NR3C2: variants seen among roughly 807,000 people sequenced by gnomAD.
The protein encoded by NR3C2 is nuclear receptor subfamily 3 group C member 2.
A neutral mutation model predicts 86.4 loss-of-function variants in NR3C2; 15 were observed. The ratio of observed to expected loss-of-function variants is 0.17; its 90% CI spans 0.12 to 0.27. The LOEUF is 0.27. Ranked by LOEUF, NR3C2 falls within the 10% of genes least tolerant of loss-of-function variation. The pLI, the probability that NR3C2 is intolerant of heterozygous loss-of-function variation, is 1.00. For missense variants in NR3C2, 960 were observed against 1,195.6 expected, an observed-to-expected ratio of 0.80 and a Z score of 2.91; for synonymous variants, 458 against 450.5, an observed-to-expected ratio of 1.02 and a Z score of -0.21.
At chr4:148,271,602 G>GA (rs1310860145) in intron 2 of NR3C2, among the ~76,000 whole-genome samples, 2 of 151,786 alleles carry the variant, frequency 1.3e-5, no homozygotes, top group Admixed American at 6.6e-5. Flanking sequence ...TATTTTTAAG[G>GA]AAAATTTTTT....
At chr4:148,277,690 G>A (rs1241460639) in intron 2 of NR3C2, among the ~76,000 whole-genome samples, 2 of 152,196 alleles carry the variant, frequency 1.3e-5, no homozygotes, top group African/African-American at 4.8e-5. Flanking sequence ...GTTCAAGCAA[G>A]TAACAGGGAA....
chr4:148,282,478 C>T (rs959382006), intron 2 of NR3C2, among the ~76,000 whole-genome samples: 1 of 152,166 alleles, frequency 6.6e-6, no homozygotes, highest in African/African-American at 2.4e-5. Flanking sequence ...ATATATCTTA[C>T]AGCATAAGAG....
chr4:148,265,743 C>A (rs747993819), intron 2 of NR3C2, among the ~76,000 whole-genome samples: 3 of 152,108 alleles, frequency 2.0e-5, no homozygotes, highest in Non-Finnish European at 2.9e-5. Context: ...TAGAGCACAG[C>A]GAGAATTTGG....
intron 2 of NR3C2, among the ~76,000 whole-genome samples, chr4:148,428,994 C>T (rs1449673069): frequency 6.6e-6 from 1 of 152,136 alleles, no homozygotes; most frequent in Non-Finnish European, 1.5e-5. Flanking sequence ...GGTTTTCTCA[C>T]CCCCAACCCC....
chr4:148,190,638 G>A lies in NR3C2; in HGVS notation c.2014+4108C>T, dbSNP rs371491911. ...CTAGTGCTGTCAGTGGAGTATTGACGTCTCCCACTATTATTGTGTTGCTGT... is the reference window on the plus strand; with the variant it reads ...CTAGTGCTGTCAGTGGAGTATTGACATCTCCCACTATTATTGTGTTGCTGT... On this transcript the variant is annotated intron_variant, in intron 4 of 8. Transcript: ENST00000358102. Among the ~76,000 whole-genome samples, 30 of 152,250 alleles carry A rather than the reference G, an allele frequency of 2.0e-4. No individual in the cohort carries two copies. The East Asian group carries it at 4.2e-3, about 22-fold the overall frequency.
intron 2 of NR3C2, among the ~76,000 whole-genome samples, chr4:148,428,356 C>T (rs1749648927): frequency 6.6e-6 from 1 of 152,152 alleles, no homozygotes; most frequent in South Asian, 2.1e-4. Flanking sequence ...AGACTTTCTA[C>T]CAAATAACTG....
At chr4:148,382,404 T>C (rs1469688477) in intron 2 of NR3C2, among the ~76,000 whole-genome samples, 1 of 152,160 alleles carries the variant, frequency 6.6e-6, no homozygotes, top group Admixed American at 6.5e-5. Context: ...CTGTTCCACA[T>C]GCACATTAAT....
At chr4:148,271,054 C>T (rs1579089578) in intron 2 of NR3C2, among the ~76,000 whole-genome samples, 1 of 152,234 alleles carries the variant, frequency 6.6e-6, no homozygotes, top group South Asian at 2.1e-4. Context: ...TAGTGCTCTA[C>T]TAAGTATGGT....
intron 8 of NR3C2, among the ~76,000 whole-genome samples, chr4:148,107,171 AACCAAAAACCCC>A (rs1309522261): frequency 6.6e-6 from 1 of 152,208 alleles, no homozygotes; most frequent in Non-Finnish European, 1.5e-5. Context: ...CAAGAAAAAA[AACCAAAAACCCC>A]ATCAAAAAGT....
At chr4:148,172,765 A>G (rs1735193295) in intron 4 of NR3C2, among the ~76,000 whole-genome samples, 1 of 152,226 alleles carries the variant, frequency 6.6e-6, no homozygotes, top group Admixed American at 6.5e-5. Context: ...AGTTCAGACT[A>G]TTTGGCAAGA....
At chr4:148,173,312 G>A (rs926008587) in intron 4 of NR3C2, among the ~76,000 whole-genome samples, 2 of 152,212 alleles carry the variant, frequency 1.3e-5, no homozygotes, top group African/African-American at 4.8e-5. Flanking sequence ...ATTAAATCAA[G>A]GATTGGAAGA....
intron 6 of NR3C2, among the ~76,000 whole-genome samples, chr4:148,141,283 A>T (rs6819902): frequency 0.034 from 5,153 of 152,108 alleles, 306 homozygotes; most frequent in African/African-American, 0.11. Context: ...AAATACAAAA[A>T]ATTAGCTGGG....
intron 3 of NR3C2, 82 bp from the exon 4 acceptor site, chr4:148,194,944 T>A: frequency 1.0e-6 from 1 of 1,001,434 alleles, no homozygotes. Context: ...AATATAAAAC[T>A]ACTTCTTTCC....
intron 8 of NR3C2, among the ~76,000 whole-genome samples, chr4:148,089,998 T>C (rs1560915149): frequency 6.6e-6 from 1 of 152,054 alleles, no homozygotes. Context: ...CAAGGACGAG[T>C]GTCTGGTGGC....
chr4:148,256,858 A>G (rs1174155931), intron 3 of NR3C2, among the ~76,000 whole-genome samples: 2 of 143,596 alleles, frequency 1.4e-5, no homozygotes. Flanking sequence ...ATGTTTAAGA[A>G]GAAGAAAATA....
chr4:148,239,929 A>G (rs1193426972), intron 3 of NR3C2, among the ~76,000 whole-genome samples: 1 of 151,884 alleles, frequency 6.6e-6, no homozygotes, highest in Non-Finnish European at 1.5e-5. Flanking sequence ...CTCCTCTTTC[A>G]CGATGATGGG....
At chr4:148,230,436 G>A (rs1012772196) in intron 3 of NR3C2, among the ~76,000 whole-genome samples, 10 of 152,000 alleles carry the variant, frequency 6.6e-5, no homozygotes, top group African/African-American at 2.2e-4. Flanking sequence ...GCCTCAAGTC[G>A]TCTGCCCACC....
chr4:148,370,887 T>C (rs1746385332), intron 2 of NR3C2, among the ~76,000 whole-genome samples: 1 of 152,120 alleles, frequency 6.6e-6, no homozygotes, highest in South Asian at 2.1e-4. Context: ...AGTTTCTCTC[T>C]ATTCCCCACC....
chr4:148,439,516 C>A (rs1425394568), intron 1 of NR3C2, among the ~76,000 whole-genome samples: 4 of 152,134 alleles, frequency 2.6e-5, no homozygotes, highest in African/African-American at 9.7e-5. Context: ...ACTCACATAG[C>A]CTCATTCTCT....
Sources: allele counts gnomAD v4.1 joint callset (sites outside exome capture counted in the v4.1 genomes callset), GRCh38; gene constraint gnomAD v4.1.1; transcripts MANE v1.5; gene names NCBI Gene and HGNC (gene_info 2026-07-23, HGNC 2026-07-21).